The following COL24A1 variants were observed in gnomAD, a reference collection of about 807,000 sequenced individuals.
The protein encoded by COL24A1 is collagen type XXIV alpha 1 chain, also known as collagen alpha-1(XXIV) chain.
A neutral mutation model predicts 253.9 loss-of-function variants in COL24A1; 224 were observed. The ratio of observed to expected loss-of-function variants is 0.88; its 90% confidence interval spans 0.79 to 0.99. The LOEUF (loss-of-function observed/expected upper bound fraction) is 0.99. Ranked by LOEUF, COL24A1 falls within the 50% of genes least tolerant of loss-of-function variation. COL24A1 has a pLI of 0.00. For missense variants in COL24A1, 2,131 were observed against 2,068.5 expected, an observed-to-expected ratio of 1.03 and a Z score of -0.59; for synonymous variants, 685 against 673.7, an observed-to-expected ratio of 1.02 and a Z score of -0.26.
In COL24A1 at chr1:85,866,972, T is replaced by A. The variant is rs575210327; in HGVS notation, c.3300+1547A>T. On this transcript the variant is annotated intron_variant, in intron 37 of 59. Transcript: ENST00000370571. ...AATAATCTTATACTTCTGGTTTATC[T>A]TCATTCTTCAAATGTTACTTTGAAA... Among the ~76,000 whole-genome samples the A allele has an allele frequency of 2.9e-3, 436 of 152,324 alleles. 5 individuals are homozygous for A. The highest frequency in any genetic ancestry group is 6.6e-3 in the South Asian group (32 of 4,828).
intron 23 of COL24A1, among the ~76,000 whole-genome samples, chr1:85,963,944 A>G (rs1691320528): frequency 6.6e-6 from 1 of 152,080 alleles, no homozygotes; most frequent in Non-Finnish European, 1.5e-5. Flanking sequence ...TATTTTTCAG[A>G]GGACTTTTAT....
intron 24 of COL24A1, among the ~76,000 whole-genome samples, chr1:85,945,432 G>A (rs535307103): frequency 6.6e-6 from 1 of 151,746 alleles, no homozygotes; most frequent in South Asian, 2.1e-4. Context: ...AAAATTATAT[G>A]TGACTTCTTC....
rs549544414 is a variant in COL24A1 at position 85,923,859 on chromosome 1, C to CA, written c.2563-12427dup. Among the ~76,000 whole-genome samples the CA allele has an allele frequency of 3.4e-4, 52 of 151,978 alleles. No homozygotes were observed. In the South Asian group the frequency reaches 6.9e-3, roughly 20 times the overall value. On this transcript the variant is annotated intron_variant, in intron 24 of 59. Transcript: ENST00000370571. ...AGGAGATGGAGACACAAAAACCCTT[C>CA]AAAAAATCAATGAATCCATGAGCTG...
At position 86,051,668 on chromosome 1, in the gene COL24A1, GAC is replaced by G. The variant is rs1344827419; in HGVS notation, c.1852-1493_1852-1492del. On this transcript the variant is annotated intron_variant, in intron 10 of 59. Transcript: ENST00000370571. ...ACTGTGAGTCATTAAAAAAACTTAA[GAC>G]ACAGTTTTCATATAATCATATTTTC... 6.6e-5 allele frequency among the ~76,000 whole-genome samples: 10 copies of G among 152,068 alleles called. No individual in the cohort carries two copies. In the East Asian group the frequency reaches 1.4e-3, roughly 21 times the overall value.
At chr1:85,855,827 C>A (rs1678374753) in intron 37 of COL24A1, among the ~76,000 whole-genome samples, 1 of 152,052 alleles carries the variant, frequency 6.6e-6, no homozygotes, top group Admixed American at 6.6e-5. Flanking sequence ...TGGTCCTGGG[C>A]TTTTCTGGTT....
chr1:86,136,754 T>C (rs879288508), intron 2 of COL24A1, among the ~76,000 whole-genome samples: 1 of 152,094 alleles, frequency 6.6e-6, no homozygotes, highest in Admixed American at 6.6e-5. Flanking sequence ...ATCTCACTAA[T>C]TAATCATGGC....
At chr1:85,775,590 G>T in intron 53 of COL24A1, 84 bp downstream of exon 53, 2 of 1,111,954 alleles carry the variant, frequency 1.8e-6, no homozygotes, top group Non-Finnish European at 2.6e-6. Flanking sequence ...CATAATAATG[G>T]ATAACTCTAA....
chr1:86,031,685 A>G (rs1359991260), intron 14 of COL24A1, among the ~76,000 whole-genome samples, 193 bp downstream of exon 14: 1 of 152,160 alleles, frequency 6.6e-6, no homozygotes, highest in Non-Finnish European at 1.5e-5. Context: ...ATCATAAAAT[A>G]CAATTAATTT....
intron 19 of COL24A1, among the ~76,000 whole-genome samples, chr1:85,998,870 C>T (rs1450555512): frequency 6.6e-6 from 1 of 152,168 alleles, no homozygotes; most frequent in East Asian, 1.9e-4. Context: ...AAGTGGGGCT[C>T]AGTGAATCAG....
chr1:86,015,663 C>T (rs1696922591), intron 19 of COL24A1, among the ~76,000 whole-genome samples: 1 of 152,028 alleles, frequency 6.6e-6, no homozygotes, highest in Admixed American at 6.6e-5. Flanking sequence ...CTCAGTATGA[C>T]AAGGCAGTAA....
rs1648251741 is a variant in COL24A1, at chr1:86,126,087, A to G, written c.249T>C (p.Ile83=). 1 of 1,613,440 alleles carries G rather than the reference A, an allele frequency of 6.2e-7. No individual in the cohort carries two copies. Among genetic ancestry groups the G allele is most frequent in the Admixed American group, 1.7e-5 (1 of 59,838 alleles). ...TCTCGATATAAGCATCATTTTTAAA[A>G]ATGACTCCTGATTCTGTTAAATGGA... ...QGVHLTESGV[I]FKNDAYIETP... The change falls in exon 3 of 60, where the codon ATT becomes ATC. Residue 83 remains isoleucine (I), a synonymous_variant. Coordinates refer to ENST00000370571, the MANE Select transcript of COL24A1 (RefSeq NM_152890.7).
intron 37 of COL24A1, among the ~76,000 whole-genome samples, chr1:85,857,337 A>C (rs1678547377): frequency 6.6e-6 from 1 of 151,914 alleles, no homozygotes; most frequent in Non-Finnish European, 1.5e-5. Context: ...CTCTACAATA[A>C]GGGCTGGAGA....
chr1:85,842,536 AT>A, intron 39 of COL24A1, 143 bp from the exon 40 acceptor site: 1 of 587,012 alleles, frequency 1.7e-6, no homozygotes, highest in Non-Finnish European at 2.9e-6. Context: ...AAAGCAAAAA[AT>A]AACCCCCCAA....
At chr1:85,739,920 C>T (rs1338204019) in intron 57 of COL24A1, among the ~76,000 whole-genome samples, 4 of 152,158 alleles carry the variant, frequency 2.6e-5, no homozygotes, top group South Asian at 4.1e-4. Context: ...CTTTCCAGTT[C>T]ACTCCCTCTA....
chr1:85,910,068 G>C, intron 25 of COL24A1, 65 bp from the exon 26 acceptor site: 2 of 1,277,208 alleles, frequency 1.6e-6, no homozygotes, highest in Non-Finnish European at 2.2e-6. Context: ...ACTGAGCTAA[G>C]CCTAGAAAGA....
At chr1:85,945,371 T>C (rs1689238132) in intron 24 of COL24A1, among the ~76,000 whole-genome samples, 1 of 151,686 alleles carries the variant, frequency 6.6e-6, no homozygotes, top group Non-Finnish European at 1.5e-5. Context: ...CTGAAAATCC[T>C]GAAGCTTAAG....
At chr1:85,791,882 T>C (rs313721) in intron 47 of COL24A1, among the ~76,000 whole-genome samples, 113,394 of 151,834 alleles carry the variant, frequency 0.75, 44,829 homozygotes, top group Non-Finnish European at 0.89. Context: ...AAAATTCTTA[T>C]GTATAGCACC....
At chr1:86,079,415 C>A (rs1019510594) in intron 7 of COL24A1, among the ~76,000 whole-genome samples, 7 of 152,056 alleles carry the variant, frequency 4.6e-5, no homozygotes, top group Non-Finnish European at 1.0e-4. Flanking sequence ...TCAGTAATAC[C>A]TCACAAGCAC....
intron 55 of COL24A1, among the ~76,000 whole-genome samples, chr1:85,758,571 T>A (rs1666521494): frequency 6.6e-6 from 1 of 152,162 alleles, no homozygotes. Context: ...CATCAATACA[T>A]ATTCCTTTTC....
Sources: allele counts gnomAD v4.1 joint callset (sites outside exome capture counted in the v4.1 genomes callset), GRCh38; gene constraint gnomAD v4.1.1; transcripts MANE v1.5; gene names NCBI Gene and HGNC (gene_info 2026-07-23, HGNC 2026-07-21).